Variants in ACTR3C observed in about 807,000 individuals in gnomAD.
The protein encoded by ACTR3C is actin related protein 3C.
A neutral mutation model predicts 26.3 loss-of-function variants in ACTR3C; 18 were observed. The ratio of observed to expected loss-of-function variants is 0.68; its 90% CI spans 0.47 to 1.01. The LOEUF is 1.01. Ranked by LOEUF, ACTR3C falls within the 50% of genes least tolerant of loss-of-function variation. The probability of loss-of-function intolerance (pLI) is 0.00; values close to 1 mark genes in which losing one functional copy is unlikely to be tolerated. For missense variants in ACTR3C, 184 were observed against 250.7 expected, an observed-to-expected ratio of 0.73 and a Z score of 1.80; for synonymous variants, 55 against 94.5, an observed-to-expected ratio of 0.58 and a Z score of 2.42.
chr7:150,016,073 T>G, the ACTR3C span, among the ~76,000 whole-genome samples: 3 of 151,890 alleles, frequency 2.0e-5, no homozygotes, highest in African/African-American at 7.3e-5. Flanking sequence ...TGCTTCAAAC[T>G]GCTACCAAGC....
intron 6 of ACTR3C, among the ~76,000 whole-genome samples, chr7:150,280,798 A>ATTGTG (rs1835256339): frequency 6.8e-6 from 1 of 147,486 alleles, no homozygotes; most frequent in Non-Finnish European, 1.5e-5. Context: ...CCTGCTCTTG[A>ATTGTG]TGTGTGTGTG....
At chr7:149,920,470 C>A in the ACTR3C span, among the ~76,000 whole-genome samples, 4 of 151,776 alleles carry the variant, frequency 2.6e-5, no homozygotes, top group African/African-American at 4.8e-5. Context: ...CCACACCTGG[C>A]TTTTTCTTTT....
chr7:149,930,300 G>A, the ACTR3C span, among the ~76,000 whole-genome samples: 1 of 152,168 alleles, frequency 6.6e-6, no homozygotes, highest in Admixed American at 6.5e-5. Context: ...TGTGTCCTCA[G>A]AAAGTACGCA....
chr7:150,256,767 A>G (rs1387547293), intron 6 of ACTR3C, among the ~76,000 whole-genome samples: 9 of 106,590 alleles, frequency 8.4e-5, no homozygotes, highest in Non-Finnish European at 1.5e-4. Context: ...TGAAAGTTGT[A>G]AAAAAAAAAA....
At chr7:150,180,753 G>A in the ACTR3C span, among the ~76,000 whole-genome samples, 3 of 148,738 alleles carry the variant, frequency 2.0e-5, no homozygotes, top group Admixed American at 6.6e-5. Flanking sequence ...CTCGTGATCC[G>A]CCCGCCTCGG....
chr7:149,892,277 T>G, the ACTR3C span: 1 of 1,538,366 alleles, frequency 6.5e-7, no homozygotes, highest in South Asian at 1.2e-5. Context: ...AATTTACCTT[T>G]GTAGCATATG....
the ACTR3C span, among the ~76,000 whole-genome samples, chr7:150,017,407 G>GAACCCGGGAGGCAGAGGTTGCAGTGAGC: frequency 8.6e-5 from 13 of 150,826 alleles, no homozygotes; most frequent in African/African-American, 3.2e-4. Context: ...CACAGACCAG[G>GAACCCGGGAGGCAGAGGTTGCAGTGAGC]TCCATTCTCC....
At chr7:150,282,372 G>T (rs1251476677) in intron 6 of ACTR3C, among the ~76,000 whole-genome samples, 1 of 151,794 alleles carries the variant, frequency 6.6e-6, no homozygotes, top group Non-Finnish European at 1.5e-5. Context: ...AATTTTTATC[G>T]TAACATATTC....
the ACTR3C span, among the ~76,000 whole-genome samples, chr7:149,941,629 C>T: frequency 6.6e-6 from 1 of 152,180 alleles, no homozygotes; most frequent in African/African-American, 2.4e-5. Flanking sequence ...TGATCCTGTC[C>T]CTCCCCATGT....
At chr7:150,227,255 G>A in the ACTR3C span, among the ~76,000 whole-genome samples, 1 of 151,570 alleles carries the variant, frequency 6.6e-6, no homozygotes. Flanking sequence ...GTCTAAGGGA[G>A]ACTTGGTACC....
the ACTR3C span, among the ~76,000 whole-genome samples, chr7:149,924,449 A>C: frequency 2.0e-5 from 3 of 152,068 alleles, no homozygotes; most frequent in Non-Finnish European, 4.4e-5. Context: ...ACAAACAAAC[A>C]CCAGAACTAT....
chr7:150,037,532 C>CAT, the ACTR3C span, among the ~76,000 whole-genome samples: 1 of 27,406 alleles, frequency 3.6e-5, no homozygotes, highest in African/African-American at 1.6e-4. Flanking sequence ...CCCACCTTCG[C>CAT]GGGGGGTGCC....
chr7:149,929,982 A>G, the ACTR3C span, among the ~76,000 whole-genome samples: 1 of 152,228 alleles, frequency 6.6e-6, no homozygotes, highest in Admixed American at 6.5e-5. Flanking sequence ...AGAAGGATCA[A>G]CAGGACTTCT....
At chr7:150,123,020 G>A in the ACTR3C span, among the ~76,000 whole-genome samples, 2 of 149,890 alleles carry the variant, frequency 1.3e-5, no homozygotes, top group East Asian at 3.9e-4. Flanking sequence ...TCACTCATAG[G>A]TGGGAGTTGA....
chr7:150,113,903 T>C, the ACTR3C span, among the ~76,000 whole-genome samples: 1 of 152,242 alleles, frequency 6.6e-6, no homozygotes, highest in East Asian at 1.9e-4. Flanking sequence ...TCAAATTAAA[T>C]GATTCAACTA....
chr7:149,933,638 G>A, the ACTR3C span, among the ~76,000 whole-genome samples: 65,963 of 151,934 alleles, frequency 0.43, 15,519 homozygotes, highest in Non-Finnish European at 0.52. Flanking sequence ...ACAGATTCTA[G>A]GTGTCCAGCT....
the ACTR3C span, chr7:150,047,805 G>A: frequency 5.2e-6 from 8 of 1,531,294 alleles, no homozygotes; most frequent in Non-Finnish European, 7.0e-6. Flanking sequence ...CGTGGGGAAG[G>A]ACCTCGAGGT....
the ACTR3C span, among the ~76,000 whole-genome samples, chr7:150,166,888 G>C: frequency 4.7e-5 from 7 of 150,246 alleles, no homozygotes; most frequent in Non-Finnish European, 8.8e-5. Flanking sequence ...CTAAATATGA[G>C]TGAGATCATA....
At chr7:149,954,937 T>G in the ACTR3C span, among the ~76,000 whole-genome samples, 2 of 152,248 alleles carry the variant, frequency 1.3e-5, no homozygotes, top group South Asian at 2.1e-4. Flanking sequence ...AGCAAGGAAC[T>G]AGCATTAACT....
Sources: gnomAD v4.1 joint callset for allele counts (sites outside exome capture counted in the v4.1 genomes callset) on GRCh38, gnomAD v4.1.1 for gene constraint, MANE v1.5 for transcripts, NCBI Gene and HGNC (gene_info 2026-07-23, HGNC 2026-07-21) for gene names.